CAST: variants seen among roughly 807,000 people sequenced by gnomAD.
CAST encodes the protein MIR583 host.
A neutral mutation model predicts 119.6 loss-of-function variants in CAST; 76 were observed. That is an observed-to-expected ratio of 0.64 (90% CI 0.53 to 0.77). The LOEUF (loss-of-function observed/expected upper bound fraction) is 0.77, where lower values mean the gene tolerates loss of function less well. Ranked by LOEUF, CAST falls within the 30% of genes least tolerant of loss-of-function variation. The pLI is 0.00. For synonymous variants in CAST, 319 were observed against 331.6 expected, an observed-to-expected ratio of 0.96 and a Z score of 0.41; for missense variants, 953 against 946.5, an observed-to-expected ratio of 1.01 and a Z score of -0.09.
Position 96,742,794 on chromosome 5 carries a change from C to T in CAST, c.1200+38C>T, listed in dbSNP as rs202122232. On this transcript the variant is annotated intron_variant, in intron 16 of 31. Coordinates refer to ENST00000675179, the MANE Select transcript of CAST (RefSeq NM_001750.7). ...GAGTTGATTTACAAAGCTTGTTAGT[C>T]TGCACATTACAAAACCGAATGCACT... is the stretch of plus-strand genomic sequence containing the variant. 8 of 1,418,170 alleles carry T rather than the reference C, an allele frequency of 5.6e-6. No homozygotes were observed. In the East Asian group the frequency reaches 1.8e-4, roughly 33 times the overall value. The allele number at this position is 1,418,170 out of a possible 1,614,324, so 87.8% of individuals were successfully genotyped here.
At chr5:96,705,975 G>T (rs1401439693) in intron 3 of CAST, among the ~76,000 whole-genome samples, 1 of 152,184 alleles carries the variant, frequency 6.6e-6, no homozygotes, top group Admixed American at 6.5e-5. Context: ...TTGCTACAGT[G>T]ATTTCCTCTC....
chr5:96,291,319 A>G, the CAST span, among the ~76,000 whole-genome samples: 5 of 152,220 alleles, frequency 3.3e-5, no homozygotes, highest in African/African-American at 1.2e-4. Context: ...ACAAGCATAT[A>G]AGCACTCCTA....
chr5:96,110,548 T>A, the CAST span, among the ~76,000 whole-genome samples: 1 of 152,186 alleles, frequency 6.6e-6, no homozygotes, highest in African/African-American at 2.4e-5. Flanking sequence ...CTGGATGATT[T>A]CCTCACATTT....
chr5:96,593,838 C>T (rs1747006506), intron 1 of CAST, among the ~76,000 whole-genome samples: 1 of 152,226 alleles, frequency 6.6e-6, no homozygotes, highest in Non-Finnish European at 1.5e-5. Context: ...ACCACACTGG[C>T]ACGCTGATCT....
the CAST span, among the ~76,000 whole-genome samples, chr5:96,160,320 G>A: frequency 2.6e-5 from 4 of 151,966 alleles, no homozygotes; most frequent in South Asian, 8.3e-4. Context: ...TGTTTGCATG[G>A]ATTTGCATGT....
intron 2 of CAST, among the ~76,000 whole-genome samples, chr5:96,680,582 GATAA>G (rs931338670): frequency 2.6e-5 from 4 of 151,794 alleles, no homozygotes; most frequent in African/African-American, 9.7e-5. Flanking sequence ...GTCTGAAAAT[GATAA>G]ATAATGTGCT....
At chr5:96,350,811 T>A in the CAST span, among the ~76,000 whole-genome samples, 1 of 152,124 alleles carries the variant, frequency 6.6e-6, no homozygotes, top group East Asian at 1.9e-4. Flanking sequence ...CTGACATCCA[T>A]AACACTAGGG....
At chr5:96,732,072 C>T (rs192171) in intron 9 of CAST, among the ~76,000 whole-genome samples, 30,192 of 146,084 alleles carry the variant, frequency 0.21, 3,219 homozygotes, top group East Asian at 0.33. Flanking sequence ...CCTGAGGAAT[C>T]GCCACACTGA....
chr5:96,507,261 C>T, the CAST span, among the ~76,000 whole-genome samples: 1 of 152,172 alleles, frequency 6.6e-6, no homozygotes, highest in Non-Finnish European at 1.5e-5. Flanking sequence ...TAAATATTCA[C>T]TCTACCCTGT....
At chr5:96,603,804 G>A (rs532097914) in intron 1 of CAST, among the ~76,000 whole-genome samples, 21 of 115,992 alleles carry the variant, frequency 1.8e-4, no homozygotes, top group East Asian at 5.5e-4. Flanking sequence ...TTGCTCTGTC[G>A]CCCAGACTGG....
At chr5:96,644,080 T>G (rs1052150856) in intron 1 of CAST, among the ~76,000 whole-genome samples, 3 of 152,110 alleles carry the variant, frequency 2.0e-5, no homozygotes, top group Admixed American at 6.6e-5. Context: ...GGTTTCTTTT[T>G]GAGGTGATGA....
chr5:96,077,735 T>C, the CAST span, among the ~76,000 whole-genome samples: 1,894 of 152,224 alleles, frequency 0.012, 44 homozygotes, highest in African/African-American at 0.044. Flanking sequence ...CCCTTCTCCT[T>C]CTACCATGAG....
the CAST span, among the ~76,000 whole-genome samples, chr5:95,982,229 A>G: frequency 6.6e-6 from 1 of 152,126 alleles, no homozygotes; most frequent in South Asian, 2.1e-4. Context: ...ACTATTTTTT[A>G]TCACTCCCCT....
At chr5:96,661,887 T>C (rs1039451757), upstream of CAST, among the ~76,000 whole-genome samples, 4 of 152,258 alleles carry the variant, frequency 2.6e-5, no homozygotes, top group African/African-American at 7.2e-5. Context: ...CCAATTTGTT[T>C]TTGTGATCCG....
chr5:96,662,516 G>C lies in CAST; in HGVS notation c.75+19G>C. 7.4e-7 allele frequency: 1 copy of C among 1,359,370 alleles called. No individual in the cohort carries two copies. Among genetic ancestry groups the C allele is most frequent in the Non-Finnish European group, 9.4e-7 (1 of 1,062,756 alleles). The allele number at this position is 1,359,370 out of a possible 1,614,324, so 84.2% of individuals were successfully genotyped here. On this transcript the variant is annotated intron_variant, in intron 1 of 31. Transcript: ENST00000675179. ...CCATGAGGTGAGTGGCGCTCCTGTC[G>C]GCGTCGCGGGGCTGGGCGATGGGGT...
chr5:96,387,911 A>T, the CAST span, among the ~76,000 whole-genome samples: 2 of 152,224 alleles, frequency 1.3e-5, no homozygotes, highest in Non-Finnish European at 2.9e-5. Context: ...GGGATCAATC[A>T]TGACAACCCT....
chr5:96,043,592 T>C, the CAST span, among the ~76,000 whole-genome samples: 1 of 152,222 alleles, frequency 6.6e-6, no homozygotes, highest in Non-Finnish European at 1.5e-5. Flanking sequence ...ACAAGTTGGC[T>C]GCAGTAATTC....
chr5:95,961,802 G>A, the CAST span: 3 of 1,468,320 alleles, frequency 2.0e-6, no homozygotes, highest in South Asian at 4.0e-5. Flanking sequence ...GGCTTCTGCA[G>A]CCGCCGCCAC....
chr5:96,440,867 G>T, the CAST span, among the ~76,000 whole-genome samples: 1 of 152,192 alleles, frequency 6.6e-6, no homozygotes, highest in Non-Finnish European at 1.5e-5. Flanking sequence ...GTCGATGGAA[G>T]AACTGACACT....
Sources: allele counts gnomAD v4.1 joint callset (sites outside exome capture counted in the v4.1 genomes callset), GRCh38; gene constraint gnomAD v4.1.1; transcripts MANE v1.5; gene names NCBI Gene and HGNC (gene_info 2026-07-23, HGNC 2026-07-21).